Variants in ROS1 observed in about 807,000 individuals in gnomAD.
ROS1 encodes proto-oncogene tyrosine-protein kinase ROS.
A neutral mutation model predicts 273.5 loss-of-function variants in ROS1; 263 were observed. The ratio of observed to expected loss-of-function variants is 0.96; its 90% CI spans 0.87 to 1.06. The LOEUF (loss-of-function observed/expected upper bound fraction) is 1.06. Ranked by LOEUF, ROS1 falls within the 50% of genes least tolerant of loss-of-function variation. The pLI is 0.00. For missense variants in ROS1, 2,833 were observed against 2,751.1 expected, an observed-to-expected ratio of 1.03 and a Z score of -0.67; for synonymous variants, 1,008 against 954.1, an observed-to-expected ratio of 1.06 and a Z score of -1.04.
rs986880489 is a variant in ROS1 at position 117,425,865 on chromosome 6, C to T, written c.-209G>A. On this transcript the variant is annotated 5_prime_UTR_variant, in exon 1 of 44. An upstream start codon of the reference 5' UTR is lost. Coordinates refer to ENST00000368507, the MANE Select transcript of ROS1 (RefSeq NM_001378902.1). ...AATGCTTGAAAGCTTGTAACAGTTC[C>T]ATAAGAGCTATTTCATAACAGCTTC... is the stretch of plus-strand genomic sequence containing the variant. The T allele has an allele frequency of 1.3e-5, 6 of 479,400 alleles. No homozygotes were observed. Among genetic ancestry groups the T allele is most frequent in the African/African-American group, 2.0e-5 (1 of 49,438 alleles). The allele number at this position is 479,400 out of a possible 1,614,324, so 29.7% of individuals were successfully genotyped here.
Position 117,408,672 on chromosome 6 carries a change from T to C in ROS1, c.316+910A>G, listed in dbSNP as rs181675284. Among the ~76,000 whole-genome samples, 966 of 152,316 alleles carry C rather than the reference T, an allele frequency of 6.3e-3. 3 individuals carry two copies. The highest frequency in any genetic ancestry group is 0.017 in the Middle Eastern group (5 of 294). ...TCAGTGTGGCGATTCCTTAGGGATC[T>C]AGAACTAGAAATATCATTTGACCCA... On this transcript the variant is annotated intron_variant, in intron 5 of 43. Coordinates refer to ENST00000368507, the MANE Select transcript of ROS1 (RefSeq NM_001378902.1).
Position 117,356,836 on chromosome 6 carries a change from T to C in ROS1, c.3919A>G (p.Ile1307Val). ...TGGTTTGTAGCTGTGGGTTGCAGAA[T>C]TCGGTGCAAGGTGTGACTGATAATA... ...YSIISHTLHR[I>V]LQPTATNQQN... The change falls in exon 26 of 44, where the codon ATT (isoleucine) becomes GTT (valine). Residue 1307 changes from isoleucine to valine, a missense_variant. Transcript: ENST00000368507. 1 of 1,614,174 alleles carries C rather than the reference T, an allele frequency of 6.2e-7. No homozygotes were observed. Among genetic ancestry groups the C allele is most frequent in the South Asian group, 1.1e-5 (1 of 91,076 alleles).
chr6:117,394,160 A>C lies in ROS1; in HGVS notation c.1191+2T>G. 1 of 1,573,734 alleles carries C rather than the reference A, an allele frequency of 6.4e-7. No homozygotes were observed. The highest frequency in any genetic ancestry group is 8.6e-7 in the Non-Finnish European group (1 of 1,159,154). On this transcript the variant is annotated splice_donor_variant, in intron 11 of 43. Coordinates refer to ENST00000368507, the MANE Select transcript of ROS1 (RefSeq NM_001378902.1). LOFTEE classifies it high-confidence loss of function. ...TATTCCTCTTTAACTTCTCGGACTA[A>C]CCAGTTCATCCATGATGAAATACAT...
rs140944636 is a variant in ROS1, at chr6:117,339,964, A to G, written c.5061+1171T>C. Among the ~76,000 whole-genome samples, 1,215 of 152,202 alleles carry G rather than the reference A, an allele frequency of 8.0e-3. 13 individuals are homozygous for G. Among genetic ancestry groups the G allele is most frequent in the African/African-American group, 0.028 (1,152 of 41,546 alleles). Reference sequence around the variant, plus strand: ...TCTGTCTAGATCTCCATTTCTGATCAATAAAATGAGAGGCTAGGGTGTCAA... The same window carrying G: ...TCTGTCTAGATCTCCATTTCTGATCGATAAAATGAGAGGCTAGGGTGTCAA... On this transcript the variant is annotated intron_variant, in intron 31 of 43. Coordinates refer to ENST00000368507, the MANE Select transcript of ROS1 (RefSeq NM_001378902.1).
intron 38 of ROS1, among the ~76,000 whole-genome samples, chr6:117,317,832 A>G (rs1466108399): frequency 2.0e-5 from 3 of 152,178 alleles, no homozygotes; most frequent in Non-Finnish European, 4.4e-5. Context: ...GGATATTTTC[A>G]CTGACATTAT....
Position 117,379,113 on chromosome 6 carries a change from A to C in ROS1, c.2528T>G (p.Leu843Trp), listed in dbSNP as rs757880878. 1.1e-5 allele frequency: 17 copies of C among 1,613,326 alleles called. No individual in the cohort carries two copies. The South Asian group carries it at 1.9e-4, about 18-fold the overall frequency. ...GTGAATACATTGACTGTCTTGAACC[A>C]ACCAATACAGGAGCCCATCACTGAG... is the stretch of plus-strand genomic sequence containing the variant. ...LDLSDGLLYW[L>W]VQDSQCIHLY... The change falls in exon 18 of 44, where the codon TTG becomes TGG. Residue 843 changes from leucine (L) to tryptophan (W), a missense_variant. Transcript: ENST00000368507.
At chr6:117,418,120 C>T (rs1775472208) in intron 2 of ROS1, among the ~76,000 whole-genome samples, 1 of 152,108 alleles carries the variant, frequency 6.6e-6, no homozygotes, top group South Asian at 2.1e-4. Context: ...ATGTGCAGAA[C>T]AGTAATAAAA....
rs549067604 is a variant in ROS1, at chr6:117,318,876, G to A, written c.5923-624C>T. Among the ~76,000 whole-genome samples the A allele has an allele frequency of 2.0e-5, 3 of 152,250 alleles. 1 individual carries two copies. In the South Asian group the frequency reaches 6.2e-4, roughly 32 times the overall value. On this transcript the variant is annotated intron_variant, in intron 37 of 43. Transcript: ENST00000368507. ...CCATCTTGGAACAATGAGGCAGCAA[G>A]CATGAACAACAGCCAAGAAAATTTC...
intron 18 of ROS1, among the ~76,000 whole-genome samples, chr6:117,371,184 G>C (rs1780735141): frequency 6.6e-6 from 1 of 152,174 alleles, no homozygotes; most frequent in Non-Finnish European, 1.5e-5. Flanking sequence ...CAGGAAAGCC[G>C]AGAGAATCCA....
chr6:117,326,089 GATT>G (rs1166491324), intron 34 of ROS1, 132 bp downstream of exon 34: 268 of 166,700 alleles, frequency 1.6e-3, no homozygotes, highest in African/African-American at 7.1e-3. Flanking sequence ...TGGATAATAA[GATT>G]ATATATATAT....
At chr6:117,327,457 G>T (rs1203956400) in intron 33 of ROS1, among the ~76,000 whole-genome samples, 1 of 152,112 alleles carries the variant, frequency 6.6e-6, no homozygotes, top group Non-Finnish European at 1.5e-5. Context: ...TTGTGAAGTG[G>T]CTCTACACAA....
At chr6:117,416,117 G>T (rs1235890504) in intron 3 of ROS1, 141 bp downstream of exon 3, 3 of 632,474 alleles carry the variant, frequency 4.7e-6, no homozygotes, top group Non-Finnish European at 8.6e-6. Flanking sequence ...CAGGCTATTG[G>T]TTTTTTAGTT....
In ROS1 at chr6:117,396,180, A is replaced by AC; in HGVS notation, c.883+7dup. The AC allele has an allele frequency of 6.2e-7, 1 of 1,609,222 alleles. No individual in the cohort carries two copies. Among genetic ancestry groups the AC allele is most frequent in the Non-Finnish European group, 8.5e-7 (1 of 1,176,068 alleles). On this transcript the variant is annotated splice_region_variant and intron_variant, in intron 9 of 43. Coordinates refer to ENST00000368507, the MANE Select transcript of ROS1 (RefSeq NM_001378902.1). ...CTGTGTAGCTAAAGGAAGAAGCCTGACCCATACCTGCTGAAGATGAAGTGG... is the reference window on the plus strand; with the variant it reads ...CTGTGTAGCTAAAGGAAGAAGCCTGACCCCATACCTGCTGAAGATGAAGTGG...
At chr6:117,395,302 C>T (rs1350362225) in intron 9 of ROS1, among the ~76,000 whole-genome samples, 1 of 152,154 alleles carries the variant, frequency 6.6e-6, no homozygotes, top group Non-Finnish European at 1.5e-5. Context: ...GCAATAATCA[C>T]AGTAACAACA....
At chr6:117,320,127 A>G (rs1776190724) in intron 36 of ROS1, 97 bp from the exon 37 acceptor site, 1 of 1,050,676 alleles carries the variant, frequency 9.5e-7, no homozygotes. Flanking sequence ...AGAGAAAGAA[A>G]TATCTCATGG....
rs1259319226 is a variant in ROS1, at chr6:117,357,703, A to AT, written c.3839+100dup. ...GTGGGCCAAGAGCCCTAAGCATCTT[A>AT]TTTTTCCATAATTGTCTTCTACTAT... is the stretch of plus-strand genomic sequence containing the variant. On this transcript the variant is annotated intron_variant, in intron 25 of 43. Coordinates refer to ENST00000368507, the MANE Select transcript of ROS1 (RefSeq NM_001378902.1). The AT allele has an allele frequency of 3.8e-6, 3 of 792,470 alleles. No individual in the cohort carries two copies. The African/African-American group carries it at 5.2e-5, about 14-fold the overall frequency. The allele number at this position is 792,470 out of a possible 1,614,324, so 49.1% of individuals were successfully genotyped here. A position where few individuals can be genotyped will look rare whatever the true frequency, so the allele number is the denominator to read the frequency against.
At chr6:117,316,601 C>A (rs1015400258) in intron 39 of ROS1, among the ~76,000 whole-genome samples, 2 of 151,956 alleles carry the variant, frequency 1.3e-5, no homozygotes, top group African/African-American at 2.4e-5. Context: ...ACTGCGGCTG[C>A]GTTTTGCAGG....
intron 17 of ROS1, among the ~76,000 whole-genome samples, chr6:117,382,776 C>T (rs1347193555): frequency 6.6e-6 from 1 of 152,012 alleles, no homozygotes; most frequent in Non-Finnish European, 1.5e-5. Context: ...ATTCCCACTC[C>T]TCATGAATAC....
At chr6:117,292,135 AAT>A (rs1490801292) in intron 43 of ROS1, among the ~76,000 whole-genome samples, 2 of 151,760 alleles carry the variant, frequency 1.3e-5, no homozygotes, top group Non-Finnish European at 2.9e-5. Flanking sequence ...ATGCCCAGCT[AAT>A]TTTTTCTATT....
Sources: gnomAD v4.1 joint callset for allele counts (sites outside exome capture counted in the v4.1 genomes callset) on GRCh38, gnomAD v4.1.1 for gene constraint, MANE v1.5 for transcripts, NCBI Gene and HGNC (gene_info 2026-07-23, HGNC 2026-07-21) for gene names.